SLC12A7: variants seen among roughly 807,000 people sequenced by gnomAD.
The protein encoded by SLC12A7 is solute carrier family 12 member 7, also known as K-Cl cotransporter 4.
SLC12A7 carries 100 observed loss-of-function variants against 120.6 expected under a neutral mutation model. That is an observed-to-expected ratio of 0.83 (90% CI 0.71 to 0.98). The LOEUF (loss-of-function observed/expected upper bound fraction) is 0.98, where lower values mean the gene tolerates loss of function less well. SLC12A7 is among the 50% of genes least tolerant of loss of function. The pLI, the probability that SLC12A7 is intolerant of heterozygous loss-of-function variation, is 0.00. For missense variants in SLC12A7, 1,373 were observed against 1,548.1 expected, an observed-to-expected ratio of 0.89 and a Z score of 1.90; for synonymous variants, 760 against 678.0, an observed-to-expected ratio of 1.12 and a Z score of -1.88.
chr5:1,081,668 C>T lies in SLC12A7; in HGVS notation c.1206G>A (p.Glu402=). The T allele has an allele frequency of 6.2e-7, 1 of 1,613,140 alleles. No homozygotes were observed. ...AGGGCAGTGCGCTGGCACGGCTCTC[C>T]TCTGCCACGGGCACCGAGGGCACAC... ...KKGVPSVPVA[E]ESRASALPYV... Residue 402 remains glutamate, a synonymous_variant, in exon 9 of 24, where the codon GAG becomes GAA. Coordinates refer to ENST00000264930, the MANE Select transcript of SLC12A7 (RefSeq NM_006598.3).
chr5:1,082,566 G>A (rs1255497017), intron 8 of SLC12A7, among the ~76,000 whole-genome samples: 1 of 137,078 alleles, frequency 7.3e-6, no homozygotes, highest in East Asian at 2.4e-4. Flanking sequence ...CTCGGGTTCT[G>A]GAAAGTCCGG....
At chr5:1,147,432 C>T in the SLC12A7 span, among the ~76,000 whole-genome samples, 62 of 151,858 alleles carry the variant, frequency 4.1e-4, no homozygotes, top group African/African-American at 1.3e-3. Context: ...GTCCCACACC[C>T]GGAGAGACCC....
chr5:1,058,954 G>A (rs963972871), intron 21 of SLC12A7, among the ~76,000 whole-genome samples: 16 of 152,214 alleles, frequency 1.1e-4, no homozygotes, highest in Non-Finnish European at 1.6e-4. Flanking sequence ...CTTCGAGCTC[G>A]AGCTTGCTGT....
Position 1,093,446 on chromosome 5 carries a change from T to C in SLC12A7, c.342+87A>G, listed in dbSNP as rs1380521423. 4.4e-6 allele frequency: 6 copies of C among 1,371,256 alleles called. No homozygotes were observed. The East Asian group carries it at 1.5e-4, about 35-fold the overall frequency. 84.9% of individuals were successfully genotyped at this position (1,371,256 alleles called of 1,614,324 possible). On this transcript the variant is annotated intron_variant, in intron 3 of 23. Coordinates refer to ENST00000264930, the MANE Select transcript of SLC12A7 (RefSeq NM_006598.3). ...ATACCAGAGCTCAGGGCAGCTCTTC[T>C]GACAAGCAACTGCCTTGCCGGCGTG...
intron 1 of SLC12A7, among the ~76,000 whole-genome samples, chr5:1,100,094 C>T (rs969085873): frequency 6.6e-6 from 1 of 152,198 alleles, no homozygotes; most frequent in Non-Finnish European, 1.5e-5. Context: ...GGCTCCCACA[C>T]GCCTCGGAAG....
chr5:1,054,120 C>T (rs1292458523), intron 22 of SLC12A7, among the ~76,000 whole-genome samples: 2 of 152,272 alleles, frequency 1.3e-5, no homozygotes, highest in African/African-American at 4.8e-5. Flanking sequence ...CACAGGCCCT[C>T]AGTGGCCACT....
chr5:1,068,839 C>A (rs763478866), intron 17 of SLC12A7, among the ~76,000 whole-genome samples: 1 of 152,260 alleles, frequency 6.6e-6, no homozygotes, highest in African/African-American at 2.4e-5. Flanking sequence ...TCCCGTCATC[C>A]CCCAGTCACT....
intron 1 of SLC12A7, among the ~76,000 whole-genome samples, chr5:1,106,565 C>A (rs1466132885): frequency 2.0e-5 from 3 of 152,186 alleles, no homozygotes; most frequent in African/African-American, 7.2e-5. Flanking sequence ...GGGGTGTCGG[C>A]TCCACTCGTG....
rs200842557 is a variant in SLC12A7 at position 1,081,059 on chromosome 5, CAGAGAG to C, written c.1297+512_1297+517del. 7.2e-3 allele frequency among the ~76,000 whole-genome samples: 319 copies of C among 44,530 alleles called. 1 individual carries two copies. Among genetic ancestry groups the C allele is most frequent in the South Asian group, 0.034 (40 of 1,172 alleles). The allele number at this position is 44,530 out of a possible 152,430, so 29.2% of individuals were successfully genotyped here. A position where few individuals can be genotyped will look rare whatever the true frequency, so the allele number is the denominator to read the frequency against. On this transcript the variant is annotated intron_variant, in intron 9 of 23. Coordinates refer to ENST00000264930, the MANE Select transcript of SLC12A7 (RefSeq NM_006598.3). The stretch of plus-strand genomic sequence containing the variant: ...AGGGAGGGAGGGAAGAAGAGGGAGA[CAGAGAG>C]AGAGAGAGAGACAGACAGAGAGAGA...
rs376206271 is a variant in SLC12A7 at position 1,057,694 on chromosome 5, C to A, written c.2848-45G>T. ...GTGAGACCAGCCGGTCTCAAAACTC[C>A]TCTGGGCGAGAGCGACCCGGGATGC... On this transcript the variant is annotated intron_variant, in intron 21 of 23. Transcript: ENST00000264930. 936 of 1,553,120 alleles carry A rather than the reference C, an allele frequency of 6.0e-4. 2 individuals carry two copies. Among genetic ancestry groups the A allele is most frequent in the African/African-American group, 6.0e-3 (441 of 73,350 alleles).
intron 19 of SLC12A7, 40 bp from the exon 20 acceptor site, chr5:1,064,015 G>A: frequency 6.2e-7 from 1 of 1,604,510 alleles, no homozygotes; most frequent in Non-Finnish European, 8.5e-7. Context: ...CCTCAGAGGA[G>A]CCCGTCCCGG....
intron 6 of SLC12A7, among the ~76,000 whole-genome samples, chr5:1,085,763 G>A (rs969458663): frequency 4.6e-5 from 7 of 151,276 alleles, no homozygotes; most frequent in Admixed American, 1.3e-4. Flanking sequence ...GGGCCTGAAC[G>A]TTTCCCAGGA....
At chr5:1,122,920 G>C in the SLC12A7 span, among the ~76,000 whole-genome samples, 1 of 152,230 alleles carries the variant, frequency 6.6e-6, no homozygotes, top group African/African-American at 2.4e-5. Context: ...TGTGTGAAGC[G>C]CCCCACGTGC....
chr5:1,089,240 G>T, intron 3 of SLC12A7, 112 bp from the exon 4 acceptor site: 1 of 1,187,626 alleles, frequency 8.4e-7, no homozygotes, highest in East Asian at 2.4e-5. Flanking sequence ...GGGGCAGGAG[G>T]GGGCAGGAGT....
the SLC12A7 span, among the ~76,000 whole-genome samples, chr5:1,128,279 T>A: frequency 3.3e-5 from 5 of 152,192 alleles, 1 homozygote; most frequent in Admixed American, 2.0e-4. Context: ...AAACTCCCGC[T>A]GATCTGCAGC....
At chr5:1,155,234 C>T in the SLC12A7 span, among the ~76,000 whole-genome samples, 23 of 152,158 alleles carry the variant, frequency 1.5e-4, no homozygotes. Context: ...TGCCACCCTC[C>T]CGCGCTATAA....
At position 1,050,886 on chromosome 5, in the gene SLC12A7, G is replaced by C. The variant is rs1734964126; in HGVS notation, c.*1474C>G. 2.5e-6 allele frequency: 1 copy of C among 398,558 alleles called. No homozygotes were observed. Among genetic ancestry groups the C allele is most frequent in the Non-Finnish European group, 4.4e-6 (1 of 226,074 alleles). 24.7% of individuals were successfully genotyped at this position (398,558 alleles called of 1,614,324 possible). On this transcript the variant is annotated 3_prime_UTR_variant, in exon 24 of 24. Transcript: ENST00000264930. ...TCCTCAGAAACATCTGGGGGCACAAGTGCAGCCTCTGCCCCGATTTGAACT... is the reference window on the plus strand; with the variant it reads ...TCCTCAGAAACATCTGGGGGCACAACTGCAGCCTCTGCCCCGATTTGAACT...
the SLC12A7 span, among the ~76,000 whole-genome samples, chr5:1,125,993 T>C: frequency 5.3e-5 from 8 of 152,210 alleles, 1 homozygote; most frequent in South Asian, 1.7e-3. Flanking sequence ...TGTTAATGTT[T>C]CCAAAAAGTC....
the SLC12A7 span, among the ~76,000 whole-genome samples, chr5:1,138,877 G>A: frequency 6.6e-6 from 1 of 152,224 alleles, no homozygotes; most frequent in African/African-American, 2.4e-5. Context: ...GCAACACACA[G>A]CTTTCTACCA....
Sources: allele counts gnomAD v4.1 joint callset (sites outside exome capture counted in the v4.1 genomes callset), GRCh38; gene constraint gnomAD v4.1.1; transcripts MANE v1.5; gene names NCBI Gene and HGNC (gene_info 2026-07-23, HGNC 2026-07-21).